Variants in PCDHA3 observed in about 807,000 individuals in gnomAD.
PCDHA3 encodes the protein protocadherin alpha-3.
PCDHA3 carries 41 observed loss-of-function variants against 62.2 expected under a neutral mutation model. That is an observed-to-expected ratio of 0.66 (90% CI 0.51 to 0.86). The LOEUF (loss-of-function observed/expected upper bound fraction) is 0.86. PCDHA3 is among the 40% of genes least tolerant of loss of function. The probability of loss-of-function intolerance (pLI) is 0.00; values close to 1 mark genes in which losing one functional copy is unlikely to be tolerated. For synonymous variants in PCDHA3, 640 were observed against 555.4 expected, an observed-to-expected ratio of 1.15 and a Z score of -2.14; for missense variants, 1,304 against 1,241.2, an observed-to-expected ratio of 1.05 and a Z score of -0.76.
chr5:140,892,180 T>G (rs1176959692), intron 1 of PCDHA3, among the ~76,000 whole-genome samples: 1 of 152,224 alleles, frequency 6.6e-6, no homozygotes, highest in Non-Finnish European at 1.5e-5. Flanking sequence ...GGGATCCTCA[T>G]GGGTCTATTC....
rs149731120 is a variant in PCDHA3 at position 140,857,612 on chromosome 5, C to T, written c.2394+54021C>T. On this transcript the variant is annotated intron_variant, in intron 1 of 3. Coordinates refer to ENST00000522353, the MANE Select transcript of PCDHA3 (RefSeq NM_018906.3). ...CGGCAAGGTGTACGCGCTGCAGCCGCTGGACCACGAGGAGCTGGAGCTGCT... is the reference window on the plus strand; with the variant it reads ...CGGCAAGGTGTACGCGCTGCAGCCGTTGGACCACGAGGAGCTGGAGCTGCT... 1.6e-4 allele frequency: 263 copies of T among 1,596,592 alleles called. 14 individuals carry two copies. Among genetic ancestry groups the T allele is most frequent in the African/African-American group, 1.5e-3 (115 of 74,450 alleles).
At chr5:140,917,170 G>A (rs1196393398) in intron 1 of PCDHA3, among the ~76,000 whole-genome samples, 1 of 152,184 alleles carries the variant, frequency 6.6e-6, no homozygotes, top group African/African-American at 2.4e-5. Context: ...AGGGGTGATG[G>A]TGGTGATCCC....
At chr5:140,811,882 T>C (rs1554125838) in intron 1 of PCDHA3, 1 of 152,244 alleles carries the variant, frequency 6.6e-6, no homozygotes, top group Non-Finnish European at 1.5e-5. Context: ...TTAGGTTCTT[T>C]GTAGATTCTG....
chr5:140,855,215 A>G (rs1201048316), intron 1 of PCDHA3, among the ~76,000 whole-genome samples: 8 of 150,030 alleles, frequency 5.3e-5, no homozygotes, highest in East Asian at 1.9e-4. Context: ...CCATTTATGA[A>G]GCACTCATTC....
At chr5:140,862,293 C>A in intron 1 of PCDHA3, 1 of 268,596 alleles carries the variant, frequency 3.7e-6, no homozygotes, top group Non-Finnish European at 7.3e-6. Flanking sequence ...CAGGAGGACG[C>A]TCCACTGGGT....
intron 1 of PCDHA3, chr5:140,870,600 C>T (rs2052205241): frequency 6.2e-7 from 1 of 1,613,338 alleles, no homozygotes. Context: ...GGCGGTTGGG[C>T]GACCGCGCGC....
At chr5:140,946,872 T>C (rs983892070) in intron 1 of PCDHA3, among the ~76,000 whole-genome samples, 7 of 151,402 alleles carry the variant, frequency 4.6e-5, no homozygotes, top group Admixed American at 1.3e-4. Flanking sequence ...GGTTGGTCAA[T>C]GGGTACGAAG....
chr5:140,987,358 T>C (rs1554249108), intron 3 of PCDHA3, among the ~76,000 whole-genome samples: 2 of 152,208 alleles, frequency 1.3e-5, no homozygotes, highest in Non-Finnish European at 2.9e-5. Context: ...CCTGAGGTTG[T>C]CTTATATCAT....
At position 140,858,269 on chromosome 5, in the gene PCDHA3, A is replaced by T. The variant is rs367651349; in HGVS notation, c.2394+54678A>T. 8.2e-4 allele frequency: 1,313 copies of T among 1,596,554 alleles called. 103 individuals carry two copies. Among genetic ancestry groups the T allele is most frequent in the Non-Finnish European group, 9.6e-4 (1,118 of 1,166,912 alleles). On this transcript the variant is annotated intron_variant, in intron 1 of 3. Transcript: ENST00000522353. Reference sequence around the variant, plus strand: ...GGTGAAGCCCACGCTGGTGTGCTCTAGCGCGGTGGGGAGCTGGTCTTACTC... The same window carrying T: ...GGTGAAGCCCACGCTGGTGTGCTCTTGCGCGGTGGGGAGCTGGTCTTACTC...
chr5:140,819,984 T>C (rs1766665390), intron 1 of PCDHA3, among the ~76,000 whole-genome samples: 2 of 152,046 alleles, frequency 1.3e-5, no homozygotes. Flanking sequence ...TCTTTGTGTA[T>C]TTTGTATAAA....
Position 140,843,481 on chromosome 5 carries a change from G to A in PCDHA3, c.2394+39890G>A, listed in dbSNP as rs1554140132. ...TGCTCACGCTGCTGCTGTACACTGCGCTGCGGTGCTCAGCACTGCCCACTG... is the reference window on the plus strand; with the variant it reads ...TGCTCACGCTGCTGCTGTACACTGCACTGCGGTGCTCAGCACTGCCCACTG... On this transcript the variant is annotated intron_variant, in intron 1 of 3. Transcript: ENST00000522353. 3.1e-6 allele frequency: 5 copies of A among 1,595,902 alleles called. 1 individual carries two copies. The Admixed American group carries it at 8.4e-5, about 27-fold the overall frequency.
At chr5:140,977,306 C>G (rs995052680) in intron 1 of PCDHA3, among the ~76,000 whole-genome samples, 22 of 152,268 alleles carry the variant, frequency 1.4e-4, no homozygotes, top group African/African-American at 4.8e-4. Context: ...GACAAGCTAA[C>G]GATAGTGCTC....
intron 1 of PCDHA3, among the ~76,000 whole-genome samples, chr5:140,924,896 AAAAAAAAAATAAAAT>A (rs1195249436): frequency 5.8e-5 from 4 of 69,076 alleles, no homozygotes; most frequent in Non-Finnish European, 9.1e-5. Flanking sequence ...ACCTGTCTCA[AAAAAAAAAATAAAAT>A]AAAATAAAAT....
chr5:140,836,230 C>T, intron 1 of PCDHA3: 5 of 1,613,786 alleles, frequency 3.1e-6, no homozygotes, highest in Non-Finnish European at 4.2e-6. Context: ...CCGGTGGCGG[C>T]CGGTGCGAGC....
chr5:140,847,566 G>A (rs1309857788), intron 1 of PCDHA3: 2 of 149,184 alleles, frequency 1.3e-5, no homozygotes, highest in African/African-American at 4.9e-5. Context: ...ATTGCCCCGA[G>A]TACTAAGGAT....
At chr5:140,959,583 A>G (rs529440681) in intron 1 of PCDHA3, among the ~76,000 whole-genome samples, 10 of 152,332 alleles carry the variant, frequency 6.6e-5, no homozygotes, top group Admixed American at 1.3e-4. Flanking sequence ...TTTCAATTCT[A>G]TCAGCCAAGT....
rs189687890 is a variant in PCDHA3 at position 140,972,728 on chromosome 5, A to G, written c.2395-6221A>G. ...TGCCAGGCTGGAGTGCAGTGGCGTA[A>G]TCCCGGCTCACTGCAACCTCCGCCT... On this transcript the variant is annotated intron_variant, in intron 1 of 3. Transcript: ENST00000522353. Among the ~76,000 whole-genome samples the G allele has an allele frequency of 6.0e-3, 882 of 147,958 alleles. 8 individuals carry two copies. Among genetic ancestry groups the G allele is most frequent in the African/African-American group, 0.021 (847 of 39,742 alleles).
intron 1 of PCDHA3, chr5:140,843,649 T>C: frequency 6.3e-7 from 1 of 1,595,168 alleles, no homozygotes. Context: ...GCCCCTGCCT[T>C]CCTCCTGATC....
At chr5:140,997,762 A>G (rs2097784598) in intron 3 of PCDHA3, among the ~76,000 whole-genome samples, 1 of 152,118 alleles carries the variant, frequency 6.6e-6, no homozygotes, top group Non-Finnish European at 1.5e-5. Context: ...GAGTAAGGAT[A>G]TAGCACTATG....
Sources: gnomAD v4.1 joint callset for allele counts (sites outside exome capture counted in the v4.1 genomes callset) on GRCh38, gnomAD v4.1.1 for gene constraint, MANE v1.5 for transcripts, NCBI Gene and HGNC (gene_info 2026-07-23, HGNC 2026-07-21) for gene names.